CHST15: variants seen among roughly 807,000 people sequenced by gnomAD.
CHST15 encodes carbohydrate sulfotransferase 15.
CHST15 carries 30 observed loss-of-function variants against 53.6 expected under a neutral mutation model. That is an observed-to-expected ratio of 0.56 (90% CI 0.42 to 0.76). The LOEUF is 0.76. Among genes scored for constraint, CHST15 ranks in the 30% least tolerant of loss-of-function variants. CHST15 has a pLI of 0.00. For missense variants in CHST15, 627 were observed against 740.5 expected (o/e 0.85, Z 1.78); for synonymous variants, 296 against 289.8 (o/e 1.02, Z -0.22).
intron 5 of CHST15, among the ~76,000 whole-genome samples, chr10:124,028,992 T>C (rs1004855468): frequency 6.6e-6 from 1 of 151,580 alleles, no homozygotes; most frequent in Non-Finnish European, 1.5e-5. Flanking sequence ...GACACACTCA[T>C]GTCCTCCAAT....
intron 1 of CHST15, among the ~76,000 whole-genome samples, chr10:124,057,210 C>T (rs1948413708): frequency 6.6e-6 from 1 of 152,214 alleles, no homozygotes; most frequent in Non-Finnish European, 1.5e-5. Flanking sequence ...CCATAACACT[C>T]ATGGGTGTAT....
At chr10:124,086,341 C>T (rs746618880) in intron 1 of CHST15, among the ~76,000 whole-genome samples, 22 of 152,204 alleles carry the variant, frequency 1.4e-4, no homozygotes, top group Non-Finnish European at 2.8e-4. Flanking sequence ...GACTGTTCTC[C>T]GCCACCCCAG....
Position 124,046,265 on chromosome 10 carries a change from C to A in CHST15, c.-53G>T, listed in dbSNP as rs1564884750. 1.3e-6 allele frequency: 2 copies of A among 1,514,280 alleles called. No homozygotes were observed. The highest frequency in any genetic ancestry group is 1.8e-6 in the Non-Finnish European group (2 of 1,128,384). 93.8% of individuals were successfully genotyped at this position (1,514,280 alleles called of 1,614,324 possible). On this transcript the variant is annotated 5_prime_UTR_variant, in exon 2 of 8. Transcript: ENST00000435907. ...CTTACCGAGCCATGGGTGGGCCCCC[C>A]ACGAGTCTGGATGTCCGCAAGTCGT...
chr10:124,060,717 G>A (rs7070084), intron 1 of CHST15, among the ~76,000 whole-genome samples: 44,122 of 152,130 alleles, frequency 0.29, 6,677 homozygotes, highest in South Asian at 0.42. Context: ...TAAAATATTC[G>A]AAATTTCAAA....
At chr10:124,054,184 C>T (rs2134058796) in intron 1 of CHST15, among the ~76,000 whole-genome samples, 1 of 152,278 alleles carries the variant, frequency 6.6e-6, no homozygotes, top group Admixed American at 6.5e-5. Flanking sequence ...GTAATCTGAT[C>T]CTTACGGTTT....
intron 5 of CHST15, among the ~76,000 whole-genome samples, chr10:124,025,166 G>A (rs1946947648): frequency 6.6e-6 from 1 of 152,160 alleles, no homozygotes; most frequent in Non-Finnish European, 1.5e-5. Flanking sequence ...TAAATACAAA[G>A]TCACTTCATG....
Position 124,008,790 on chromosome 10 carries a change from TGAGTGCA to T in CHST15, c.*1352_*1358del. On this transcript the variant is annotated 3_prime_UTR_variant, in exon 8 of 8. Transcript: ENST00000435907. ...ACAGGAAGCTTCCCTTGACAATACT[TGAGTGCA>T]AAGCTTCATCCAGGTCCCACCTGGG... The T allele has an allele frequency of 2.5e-6, 3 of 1,179,962 alleles. No homozygotes were observed. Among genetic ancestry groups the T allele is most frequent in the Non-Finnish European group, 3.2e-6 (3 of 932,356 alleles). The allele number at this position is 1,179,962 out of a possible 1,614,324, so 73.1% of individuals were successfully genotyped here. A position where few individuals can be genotyped will look rare whatever the true frequency, so the allele number is the denominator to read the frequency against.
chr10:124,043,997 A>ACAGCACAGAGCAGGGAG (rs1305925241), intron 3 of CHST15, among the ~76,000 whole-genome samples: 10 of 149,506 alleles, frequency 6.7e-5, no homozygotes, highest in Admixed American at 3.3e-4. Flanking sequence ...GAGCAGAGGA[A>ACAGCACAGAGCAGGGAG]CAGCACAGAG....
At position 124,070,236 on chromosome 10, in the gene CHST15, C is replaced by A. The variant is rs139671159; in HGVS notation, c.-513+23233G>T. On this transcript the variant is annotated intron_variant, in intron 1 of 7. Coordinates refer to ENST00000435907, the MANE Select transcript of CHST15 (RefSeq NM_001270764.2). ...TTCCTAGCCAATCCCAAGCCAGAGGCCCCTCTGGGAATCTCTCCCAAGGGA... is the reference window on the plus strand; with the variant it reads ...TTCCTAGCCAATCCCAAGCCAGAGGACCCTCTGGGAATCTCTCCCAAGGGA... 1.9e-3 allele frequency among the ~76,000 whole-genome samples: 287 copies of A among 152,280 alleles called. 2 individuals are homozygous for A. The highest frequency in any genetic ancestry group is 6.8e-3 in the African/African-American group (283 of 41,552).
At chr10:124,013,676 G>A (rs1402202114) in intron 6 of CHST15, among the ~76,000 whole-genome samples, 1 of 152,194 alleles carries the variant, frequency 6.6e-6, no homozygotes, top group Admixed American at 6.5e-5. Context: ...CTTAGGAACA[G>A]TTTCCTCTAA....
chr10:124,065,378 A>G (rs1266461679), intron 1 of CHST15, among the ~76,000 whole-genome samples: 1 of 152,206 alleles, frequency 6.6e-6, no homozygotes, highest in Non-Finnish European at 1.5e-5. Flanking sequence ...GCAAGACCGT[A>G]TCTCAAAAAG....
chr10:124,060,974 G>A (rs1363060770), intron 1 of CHST15, among the ~76,000 whole-genome samples: 1 of 152,146 alleles, frequency 6.6e-6, no homozygotes, highest in Admixed American at 6.6e-5. Context: ...CTGGGAACCT[G>A]CTTCCTCTCA....
At chr10:124,053,065 C>T (rs1386368997) in intron 1 of CHST15, among the ~76,000 whole-genome samples, 1 of 152,180 alleles carries the variant, frequency 6.6e-6, no homozygotes, top group African/African-American at 2.4e-5. Context: ...AGTCAGTGCT[C>T]AATAAATGTT....
At chr10:124,030,186 A>G (rs946003239) in intron 5 of CHST15, among the ~76,000 whole-genome samples, 3 of 152,168 alleles carry the variant, frequency 2.0e-5, no homozygotes, top group Non-Finnish European at 4.4e-5. Flanking sequence ...CCCTTCACAA[A>G]GACCCGAGCT....
At chr10:124,073,252 T>C (rs181454490) in intron 1 of CHST15, among the ~76,000 whole-genome samples, 11 of 152,202 alleles carry the variant, frequency 7.2e-5, no homozygotes, top group Admixed American at 5.9e-4. Flanking sequence ...GCTGCGAAAA[T>C]GGACAAGCTT....
chr10:124,065,289 C>T (rs1486402774), intron 1 of CHST15, among the ~76,000 whole-genome samples: 5 of 152,000 alleles, frequency 3.3e-5, no homozygotes, highest in African/African-American at 7.2e-5. Flanking sequence ...AGGCTGAGGT[C>T]GGGGGATCTC....
At position 124,008,782 on chromosome 10, in the gene CHST15, A is replaced by T. The variant is rs560626185; in HGVS notation, c.*1367T>A. On this transcript the variant is annotated 3_prime_UTR_variant, in exon 8 of 8. Transcript: ENST00000435907. ...TTTGGTTCACAGGAAGCTTCCCTTG[A>T]CAATACTTGAGTGCAAAGCTTCATC... 44 of 1,171,144 alleles carry T rather than the reference A, an allele frequency of 3.8e-5. No individual in the cohort carries two copies. In the African/African-American group the frequency reaches 5.3e-4, roughly 14 times the overall value. The allele number at this position is 1,171,144 out of a possible 1,614,324, so 72.5% of individuals were successfully genotyped here.
At chr10:124,077,504 C>T (rs1949115542) in intron 1 of CHST15, among the ~76,000 whole-genome samples, 1 of 152,212 alleles carries the variant, frequency 6.6e-6, no homozygotes, top group Non-Finnish European at 1.5e-5. Flanking sequence ...GAGGCTTACA[C>T]TCTTTCAGCC....
In CHST15 at chr10:124,036,086, G is replaced by A. The variant is rs376095154; in HGVS notation, c.1190+2429C>T. Among the ~76,000 whole-genome samples, 5 of 152,258 alleles carry A rather than the reference G, an allele frequency of 3.3e-5. No individual in the cohort carries two copies. On this transcript the variant is annotated intron_variant, in intron 5 of 7. Transcript: ENST00000435907. The surrounding 1 kb of genome is among the most constrained non-coding windows in gnomAD (Gnocchi z 5.1). ...AATGAGGAACTAAGCAGCAGCGACA[G>A]GAAAACATTTGATGAGCACACCGAG...
Sources: allele counts gnomAD v4.1 joint callset (sites outside exome capture counted in the v4.1 genomes callset), GRCh38; gene constraint gnomAD v4.1.1; non-coding constraint Gnocchi (gnomAD v3.1); transcripts MANE v1.5; gene names NCBI Gene and HGNC (gene_info 2026-07-23, HGNC 2026-07-21).